The following ADARB2 variants were observed in gnomAD, a reference collection of about 807,000 sequenced individuals.
The protein encoded by ADARB2 is inactive double-stranded RNA-specific editase B2.
In ADARB2, 25 loss-of-function variants were observed where a neutral mutation model predicts 62.2. The observed-to-expected ratio is 0.40, with a 90% CI of 0.29 to 0.56. The LOEUF is 0.56. Among genes scored for constraint, ADARB2 ranks in the 20% least tolerant of loss-of-function variants. The pLI is 0.43. For missense variants in ADARB2, 1,071 were observed against 1,077.4 expected, an observed-to-expected ratio of 0.99 and a Z score of 0.08; for synonymous variants, 572 against 500.8, an observed-to-expected ratio of 1.14 and a Z score of -1.90.
chr10:1,693,308 A>G (rs1308083255), intron 1 of ADARB2, among the ~76,000 whole-genome samples: 1 of 152,160 alleles, frequency 6.6e-6, no homozygotes, highest in Non-Finnish European at 1.5e-5. Context: ...CAAGGCCGCC[A>G]TGTCTAGCCT....
chr10:1,600,332 C>T (rs967615900), intron 1 of ADARB2, among the ~76,000 whole-genome samples: 7 of 152,004 alleles, frequency 4.6e-5, no homozygotes, highest in Admixed American at 2.0e-4. Context: ...GGGTCCAATC[C>T]TATTGTTAAC....
intron 3 of ADARB2, among the ~76,000 whole-genome samples, chr10:1,359,221 C>T (rs1832226212): frequency 6.6e-6 from 1 of 152,170 alleles, no homozygotes; most frequent in South Asian, 2.1e-4. Context: ...GGCAGGTGCA[C>T]CTGAGCAGGC....
intron 1 of ADARB2, among the ~76,000 whole-genome samples, chr10:1,620,239 T>G (rs574715183): frequency 2.6e-4 from 39 of 152,218 alleles, no homozygotes; most frequent in Non-Finnish European, 4.4e-4. Context: ...ATATTTAGAT[T>G]GACCGACCAG....
intron 1 of ADARB2, among the ~76,000 whole-genome samples, chr10:1,577,871 GC>G (rs1298307006): frequency 1.7e-4 from 26 of 152,220 alleles, no homozygotes; most frequent in African/African-American, 6.0e-4. Flanking sequence ...AATCCGATCT[GC>G]CTGGTGTCCT....
intron 1 of ADARB2, among the ~76,000 whole-genome samples, chr10:1,446,855 A>C (rs1381055235): frequency 2.0e-5 from 3 of 152,290 alleles, no homozygotes; most frequent in Non-Finnish European, 4.4e-5. Flanking sequence ...CTCCTGCCAA[A>C]GTGCCTGACT....
At chr10:1,461,319 G>A (rs554919916) in intron 1 of ADARB2, among the ~76,000 whole-genome samples, 1 of 152,152 alleles carries the variant, frequency 6.6e-6, no homozygotes, top group African/African-American at 2.4e-5. Flanking sequence ...ATCAGAACAC[G>A]TGTACTTGTC....
intron 1 of ADARB2, among the ~76,000 whole-genome samples, chr10:1,451,834 C>A (rs1304080374): frequency 6.6e-6 from 1 of 152,194 alleles, no homozygotes; most frequent in Non-Finnish European, 1.5e-5. Flanking sequence ...GCCAGGGCCC[C>A]ATGGACATGA....
chr10:1,690,022 G>C (rs1436112656), intron 1 of ADARB2, among the ~76,000 whole-genome samples: 1 of 152,188 alleles, frequency 6.6e-6, no homozygotes, highest in African/African-American at 2.4e-5. Flanking sequence ...TTTTTGCCAA[G>C]ACTGCTCACC....
At position 1,312,241 on chromosome 10, in the gene ADARB2, C is replaced by G. The variant is rs559598183; in HGVS notation, c.1078-41172G>C. Among the ~76,000 whole-genome samples, 29 of 152,246 alleles carry G rather than the reference C, an allele frequency of 1.9e-4. No homozygotes were observed. In the South Asian group the frequency reaches 4.8e-3, roughly 25 times the overall value. ...TGCTGGCTGGCCTGCACCAGAGATG[C>G]AGTGGGGGATGCAGCTTCCACCAGG... On this transcript the variant is annotated intron_variant, in intron 3 of 9. Transcript: ENST00000381312.
intron 3 of ADARB2, among the ~76,000 whole-genome samples, chr10:1,332,263 G>A (rs539536288): frequency 6.6e-6 from 1 of 152,104 alleles, no homozygotes; most frequent in South Asian, 2.1e-4. Flanking sequence ...AATTAGCCAG[G>A]TGCGGTGGTG....
intron 1 of ADARB2, among the ~76,000 whole-genome samples, chr10:1,609,220 C>T (rs765711902): frequency 2.0e-4 from 31 of 152,320 alleles, no homozygotes; most frequent in Middle Eastern, 3.4e-3. Context: ...CTCACACGTC[C>T]GGGTTTAATA....
At chr10:1,681,496 A>AAC (rs1554780769) in intron 1 of ADARB2, among the ~76,000 whole-genome samples, 1 of 151,426 alleles carries the variant, frequency 6.6e-6, no homozygotes, top group Non-Finnish European at 1.5e-5. Flanking sequence ...AAAAAAAAAA[A>AAC]CCCTAAACCA....
chr10:1,595,539 G>A (rs575161218), intron 1 of ADARB2, among the ~76,000 whole-genome samples: 2 of 152,364 alleles, frequency 1.3e-5, no homozygotes, highest in East Asian at 1.9e-4. Flanking sequence ...TGCCATCAGG[G>A]TCAGAGGCTG....
At chr10:1,703,498 C>A (rs1438368850) in intron 1 of ADARB2, among the ~76,000 whole-genome samples, 1 of 151,998 alleles carries the variant, frequency 6.6e-6, no homozygotes, top group Non-Finnish European at 1.5e-5. Flanking sequence ...CAGGGATGAT[C>A]CAGCAGAGAG....
At chr10:1,676,195 G>T in intron 1 of ADARB2, 2 of 261,556 alleles carry the variant, frequency 7.6e-6, no homozygotes, top group Non-Finnish European at 1.2e-5. Flanking sequence ...TTATTAGAGA[G>T]GCTCAAAGTC....
chr10:1,472,854 G>C (rs567613072), intron 1 of ADARB2, among the ~76,000 whole-genome samples: 1 of 152,206 alleles, frequency 6.6e-6, no homozygotes, highest in East Asian at 1.9e-4. Flanking sequence ...CACAGCAGGA[G>C]TGTCGGGTGC....
At chr10:1,333,468 A>G (rs1384168944) in intron 3 of ADARB2, among the ~76,000 whole-genome samples, 1 of 152,130 alleles carries the variant, frequency 6.6e-6, no homozygotes, top group East Asian at 1.9e-4. Flanking sequence ...CAACCACCAC[A>G]TGAAACTGCC....
chr10:1,364,058 G>T, intron 2 of ADARB2, 141 bp from the exon 3 acceptor site: 2 of 1,213,312 alleles, frequency 1.6e-6, no homozygotes, highest in Non-Finnish European at 2.2e-6. Context: ...GACTGTGGCC[G>T]CCAGAGAGAG....
intron 1 of ADARB2, among the ~76,000 whole-genome samples, chr10:1,591,675 A>ACACG (rs1554774089): frequency 2.6e-5 from 4 of 151,568 alleles, no homozygotes; most frequent in African/African-American, 9.7e-5. Flanking sequence ...ACACACACAC[A>ACACG]CACGCACACA....
Sources: gnomAD v4.1 joint callset for allele counts (sites outside exome capture counted in the v4.1 genomes callset) on GRCh38, gnomAD v4.1.1 for gene constraint, MANE v1.5 for transcripts, NCBI Gene and HGNC (gene_info 2026-07-23, HGNC 2026-07-21) for gene names.